ARHGAP10: variants seen among roughly 807,000 people sequenced by gnomAD.
ARHGAP10 encodes the protein Rho GTPase activating protein 10, also known as rho GTPase-activating protein 10.
A neutral mutation model predicts 108.6 loss-of-function variants in ARHGAP10; 87 were observed. The ratio of observed to expected loss-of-function variants is 0.80; its 90% CI spans 0.67 to 0.96. The LOEUF (loss-of-function observed/expected upper bound fraction) is 0.96. Among genes scored for constraint, ARHGAP10 ranks in the 40% least tolerant of loss-of-function variants. ARHGAP10 has a pLI of 0.00. For synonymous variants in ARHGAP10, 347 were observed against 341.1 expected (o/e 1.02, Z -0.19); for missense variants, 939 against 954.5 (o/e 0.98, Z 0.21).
intron 10 of ARHGAP10, among the ~76,000 whole-genome samples, chr4:147,895,125 G>C (rs1388048306): frequency 6.6e-6 from 1 of 151,590 alleles, no homozygotes; most frequent in Non-Finnish European, 1.5e-5. Flanking sequence ...ATTTATCCCA[G>C]TAATGTTTTA....
intron 1 of ARHGAP10, among the ~76,000 whole-genome samples, chr4:147,764,114 A>G (rs1729698046): frequency 1.3e-5 from 2 of 152,110 alleles, no homozygotes; most frequent in Non-Finnish European, 2.9e-5. Context: ...ATAGAGTTGG[A>G]TAGGTTTCCT....
At chr4:148,062,448 C>CA (rs1462935520) in intron 20 of ARHGAP10, among the ~76,000 whole-genome samples, 1 of 152,204 alleles carries the variant, frequency 6.6e-6, no homozygotes, top group East Asian at 1.9e-4. Flanking sequence ...AAGGGAATGT[C>CA]ATAAACCATA....
At chr4:147,835,929 G>C (rs560413439) in intron 3 of ARHGAP10, among the ~76,000 whole-genome samples, 1 of 152,196 alleles carries the variant, frequency 6.6e-6, no homozygotes, top group Non-Finnish European at 1.5e-5. Flanking sequence ...TATGCACAGA[G>C]GGAAGGAAGA....
intron 18 of ARHGAP10, among the ~76,000 whole-genome samples, chr4:148,002,008 G>C (rs1172730812): frequency 6.6e-6 from 1 of 152,158 alleles, no homozygotes. Flanking sequence ...CAAAGGGAAT[G>C]CTTCCAGTTT....
chr4:147,873,773 G>C (rs1178935553), intron 7 of ARHGAP10, among the ~76,000 whole-genome samples: 1 of 145,472 alleles, frequency 6.9e-6, no homozygotes, highest in Non-Finnish European at 1.5e-5. Context: ...TCCTCTGGAG[G>C]CTGAGGTGAG....
rs559904077 is a variant in ARHGAP10, at chr4:147,904,339, G to A, written c.1035-2299G>A. 7.2e-5 allele frequency among the ~76,000 whole-genome samples: 11 copies of A among 151,884 alleles called. No homozygotes were observed. The South Asian group carries it at 1.7e-3, about 23-fold the overall frequency. On this transcript the variant is annotated intron_variant, in intron 10 of 22. Coordinates refer to ENST00000336498, the MANE Select transcript of ARHGAP10 (RefSeq NM_024605.4). ...GCTGGTGTGCTGCATCCATTAACTC[G>A]TCATTTAGCATTAGGTATATCTCCT...
At chr4:147,944,724 C>A (rs571837132) in intron 14 of ARHGAP10, among the ~76,000 whole-genome samples, 65 of 152,140 alleles carry the variant, frequency 4.3e-4, no homozygotes, top group South Asian at 6.2e-4. Flanking sequence ...GTTAAGACAT[C>A]ATCGTGGAGT....
intron 1 of ARHGAP10, among the ~76,000 whole-genome samples, chr4:147,792,668 A>G (rs555451219): frequency 6.6e-6 from 1 of 151,396 alleles, no homozygotes; most frequent in South Asian, 2.1e-4. Context: ...CTTATTCTCC[A>G]TTATTATGAT....
At chr4:148,011,072 A>G (rs1560873819) in intron 18 of ARHGAP10, among the ~76,000 whole-genome samples, 1 of 152,222 alleles carries the variant, frequency 6.6e-6, no homozygotes, top group Non-Finnish European at 1.5e-5. Flanking sequence ...ATTAGATTCA[A>G]GTTACATATT....
intron 1 of ARHGAP10, among the ~76,000 whole-genome samples, chr4:147,760,683 T>G (rs1398697330): frequency 6.6e-6 from 1 of 152,196 alleles, no homozygotes; most frequent in East Asian, 1.9e-4. Context: ...TTTTCCCTCT[T>G]GTTTTGAACA....
At chr4:147,941,035 A>C (rs1383553378) in intron 14 of ARHGAP10, among the ~76,000 whole-genome samples, 2 of 152,196 alleles carry the variant, frequency 1.3e-5, no homozygotes, top group East Asian at 3.8e-4. Context: ...AAATAGACTC[A>C]GGTTGCCAGT....
At position 147,822,788 on chromosome 4, in the gene ARHGAP10, C is replaced by T. The variant is rs780717500; in HGVS notation, c.216C>T (p.Ile72=). ...HSLRDFKFEF[I]GDAVTDDERC... The stretch of plus-strand genomic sequence containing the variant: ...TCAGAGACTTTAAGTTTGAGTTTAT[C>T]GGTGATGCTGTGACAGATGATGAAC... The change falls in exon 2 of 23, where the codon ATC becomes ATT. Residue 72 remains isoleucine (I), a synonymous_variant. Transcript: ENST00000336498. 3.5e-5 allele frequency: 56 copies of T among 1,614,056 alleles called. No individual in the cohort carries two copies. Among genetic ancestry groups the T allele is most frequent in the South Asian group, 4.4e-5 (4 of 91,084 alleles).
chr4:147,733,174 G>A (rs989219177), intron 1 of ARHGAP10, among the ~76,000 whole-genome samples: 5 of 152,168 alleles, frequency 3.3e-5, no homozygotes, highest in Admixed American at 3.3e-4. Context: ...TAGGCTTGGT[G>A]CCTTCCTCCC....
intron 3 of ARHGAP10, among the ~76,000 whole-genome samples, chr4:147,836,889 A>G (rs1733191177): frequency 1.3e-5 from 2 of 151,872 alleles, no homozygotes; most frequent in African/African-American, 4.8e-5. Context: ...CTGGCTTTAT[A>G]GTTGAGAATA....
chr4:148,032,366 G>A lies in ARHGAP10; in HGVS notation c.1867+8953G>A, dbSNP rs550142555. On this transcript the variant is annotated intron_variant, in intron 19 of 22. Coordinates refer to ENST00000336498, the MANE Select transcript of ARHGAP10 (RefSeq NM_024605.4). ...CCCCCCATATTGTAGGCCAAACGTT[G>A]TAATCATTGAGAATTTCATGTAGTT... Among the ~76,000 whole-genome samples the A allele has an allele frequency of 2.6e-5, 3 of 115,064 alleles. No individual in the cohort carries two copies. The East Asian group carries it at 8.5e-4, about 33-fold the overall frequency. 75.5% of individuals were successfully genotyped at this position (115,064 alleles called of 152,430 possible).
intron 18 of ARHGAP10, among the ~76,000 whole-genome samples, chr4:148,010,970 A>G (rs945299196): frequency 2.0e-5 from 3 of 152,244 alleles, no homozygotes; most frequent in Non-Finnish European, 4.4e-5. Flanking sequence ...AACTTAGAAT[A>G]GTTTCTCAGA....
At chr4:147,766,836 A>ATATT (rs1281281731) in intron 1 of ARHGAP10, among the ~76,000 whole-genome samples, 80 of 43,582 alleles carry the variant, frequency 1.8e-3, no homozygotes, top group African/African-American at 5.4e-3. Flanking sequence ...ATATATATAT[A>ATATT]TATTTATTTA....
intron 1 of ARHGAP10, among the ~76,000 whole-genome samples, chr4:147,811,779 A>G (rs1032021791): frequency 1.3e-5 from 2 of 152,192 alleles, no homozygotes; most frequent in African/African-American, 2.4e-5. Context: ...GCAGAGTGCA[A>G]TTAACAAGAG....
rs1216367110 is a variant in ARHGAP10, at chr4:147,913,217, T to C, written c.1228+78T>C. 41 of 1,304,848 alleles carry C rather than the reference T, an allele frequency of 3.1e-5. No homozygotes were observed. The Middle Eastern group carries it at 7.5e-4, about 24-fold the overall frequency. 80.8% of individuals were successfully genotyped at this position (1,304,848 alleles called of 1,614,324 possible). A position where few individuals can be genotyped will look rare whatever the true frequency, so the allele number is the denominator to read the frequency against. ...AAAAGTCATTAAAAATACTTCTTGC[T>C]TTTAAGTGTTACAGAATGAAACGTG... On this transcript the variant is annotated intron_variant, in intron 13 of 22. Transcript: ENST00000336498.
Sources: gnomAD v4.1 joint callset for allele counts (sites outside exome capture counted in the v4.1 genomes callset) on GRCh38, gnomAD v4.1.1 for gene constraint, MANE v1.5 for transcripts, NCBI Gene and HGNC (gene_info 2026-07-23, HGNC 2026-07-21) for gene names.